RTEL1: variants seen among roughly 807,000 people sequenced by gnomAD.
The protein encoded by RTEL1 is regulator of telomere elongation helicase 1.
RTEL1 carries 86 observed loss-of-function variants against 162.2 expected under a neutral mutation model. The ratio of observed to expected loss-of-function variants is 0.53; its 90% CI spans 0.45 to 0.63. RTEL1 has a LOEUF of 0.63. Ranked by LOEUF, RTEL1 falls within the 30% of genes least tolerant of loss-of-function variation. The pLI, the probability that RTEL1 is intolerant of heterozygous loss-of-function variation, is 0.00. For missense variants in RTEL1, 1,941 were observed against 1,750.2 expected (o/e 1.11, Z -1.95); for synonymous variants, 958 against 717.9 (o/e 1.33, Z -5.35).
In RTEL1 at chr20:63,685,853, C is replaced by A. The variant is rs775537506; in HGVS notation, c.1329C>A (p.Thr443=). Residue 443 remains threonine (T), a synonymous_variant, in exon 16 of 35, where the codon ACC becomes ACA. Transcript: ENST00000360203. ...RTAQRSDAWS[T]TAARKRGKVL... is the part of the protein sequence containing the mutation. ...CTCAGCGGTCTGATGCCTGGAGCAC[C>A]ACTGCAGCCAGAAAGCGAGGTACAG... 3.7e-6 allele frequency: 6 copies of A among 1,612,510 alleles called. No homozygotes were observed. The South Asian group carries it at 6.6e-5, about 18-fold the overall frequency.
intron 8 of RTEL1, among the ~76,000 whole-genome samples, chr20:63,669,300 A>T (rs1471063590): frequency 6.6e-6 from 1 of 152,260 alleles, no homozygotes; most frequent in Non-Finnish European, 1.5e-5. Context: ...GTATAAACCT[A>T]AATGTAAAAG....
rs752858558 is a variant in RTEL1, at chr20:63,690,372, C to G, written c.2344C>G (p.Pro782Ala). ...TGTCAGCGAGGCCAAGTCGCCTGGC[C>G]CCTTCTTCTCCACCAGGAAAGCTAA... ...DAVSEAKSPG[P>A]FFSTRKAKSL... Residue 782 changes from proline (P) to alanine (A), a missense_variant, in exon 26 of 35, where the codon CCC (proline) becomes GCC (alanine). Coordinates refer to ENST00000360203, the MANE Select transcript of RTEL1 (RefSeq NM_001283009.2). 6.2e-7 allele frequency: 1 copy of G among 1,611,772 alleles called. No homozygotes were observed. The highest frequency in any genetic ancestry group is 8.5e-7 in the Non-Finnish European group (1 of 1,179,414).
At chr20:63,680,535 TG>T in intron 13 of RTEL1, 128 bp from the exon 14 acceptor site, 1 of 959,556 alleles carries the variant, frequency 1.0e-6, no homozygotes, top group Non-Finnish European at 1.6e-6. Flanking sequence ...CGCTCCACCC[TG>T]GGCCCCCCAT....
intron 29 of RTEL1, 53 bp from the exon 30 acceptor site, chr20:63,693,090 C>T (rs1004560650): frequency 4.3e-6 from 7 of 1,611,604 alleles, no homozygotes; most frequent in Non-Finnish European, 5.1e-6. Flanking sequence ...AAGGTGGTCT[C>T]TGTTCTCTAG....
chr20:63,694,955 G>C lies in RTEL1; in HGVS notation c.3324G>C (p.Glu1108Asp). 1 of 1,612,546 alleles carries C rather than the reference G, an allele frequency of 6.2e-7. No individual in the cohort carries two copies. The highest frequency in any genetic ancestry group is 8.5e-7 in the Non-Finnish European group (1 of 1,179,864). Residue 1108 changes from glutamate to aspartate, a missense_variant, in exon 32 of 35, where the codon GAG becomes GAC. Physicochemically the swap from Glu to Asp is conservative, Grantham distance 45. Coordinates refer to ENST00000360203, the MANE Select transcript of RTEL1 (RefSeq NM_001283009.2). Reference protein sequence around the residue: ...VLAALTTAKPEDFPLLHRFSM... With the variant: ...VLAALTTAKPDDFPLLHRFSM... ...CCGCCCTGACCACTGCAAAGCCAGA[G>C]GACTTCCCCCTGCTGCACAGCAAGT...
In RTEL1 at chr20:63,662,646, G is replaced by T. The variant is rs6010997; in HGVS notation, c.477+19G>T. ...TCTACAGGTAGGCTCCTGGGCTCCC[G>T]CTCCGGCTCAGTGTCCGACAGGCGA... On this transcript the variant is annotated intron_variant, in intron 5 of 34. Transcript: ENST00000360203. 239 of 1,613,048 alleles carry T rather than the reference G, an allele frequency of 1.5e-4. No individual in the cohort carries two copies. The highest frequency in any genetic ancestry group is 1.8e-4 in the Non-Finnish European group (218 of 1,179,532).
At chr20:63,693,519 A>G in intron 30 of RTEL1, among the ~76,000 whole-genome samples, 1 of 6,436 alleles carries the variant, frequency 1.6e-4, no homozygotes, top group South Asian at 4.2e-3. Context: ...CTCCTCCACC[A>G]CCACCACCTC....
At chr20:63,669,246 A>G (rs935724374) in intron 8 of RTEL1, among the ~76,000 whole-genome samples, 1 of 152,216 alleles carries the variant, frequency 6.6e-6, no homozygotes, top group African/African-American at 2.4e-5. Flanking sequence ...GAACAGCTGG[A>G]TATCTGTTCG....
intron 34 of RTEL1, 57 bp from the exon 35 acceptor site, chr20:63,695,721 C>T (rs963693217): frequency 1.2e-6 from 2 of 1,602,470 alleles, no homozygotes; most frequent in Non-Finnish European, 1.7e-6. Flanking sequence ...AAAGGGCAGG[C>T]CCTTGTCCTG....
rs777040365 is a variant in RTEL1, at chr20:63,688,000, C to T, written c.1545C>T (p.Val515=). The T allele has an allele frequency of 2.2e-5, 35 of 1,612,674 alleles. No individual in the cohort carries two copies. The highest frequency in any genetic ancestry group is 1.3e-4 in the Admixed American group (8 of 60,006). Residue 515 remains valine (V), a synonymous_variant, in exon 18 of 35, where the codon GTC becomes GTT. Coordinates refer to ENST00000360203, the MANE Select transcript of RTEL1 (RefSeq NM_001283009.2). ...IIDKHQIWVG[V]VPRGPDGAQL... is the part of the protein sequence containing the mutation. ...ACAAGCACCAGATCTGGGTGGGGGT[C>T]GTCCCCAGAGGCCCCGATGGAGCCC...
intron 26 of RTEL1, 41 bp downstream of exon 26, chr20:63,690,482 G>A (rs745707774): frequency 3.7e-5 from 54 of 1,464,250 alleles, no homozygotes; most frequent in African/African-American, 7.1e-5. Flanking sequence ...TGGGGGTGGC[G>A]GAGCGGGCGG....
At chr20:63,694,546 A>G in intron 31 of RTEL1, 58 bp downstream of exon 31, 1 of 1,402,014 alleles carries the variant, frequency 7.1e-7, no homozygotes, top group East Asian at 2.3e-5. Flanking sequence ...CAGTGGCTTC[A>G]CGAGGCTAAC....
intron 14 of RTEL1, chr20:63,682,477 C>G (rs1361737864): frequency 1.0e-6 from 1 of 984,772 alleles, no homozygotes; most frequent in African/African-American, 1.8e-5. Context: ...CAGGCCCCCA[C>G]TTAAGGAGAA....
rs1296819969 is a variant in RTEL1, at chr20:63,687,620, C to T, written c.1349-18C>T. Reference sequence around the variant, plus strand: ...CCGTCCTCACACTCTGTGCCCTCTGCCGCCCCCCGCCCCACAGGGAAGGTG... The same window carrying T: ...CCGTCCTCACACTCTGTGCCCTCTGTCGCCCCCCGCCCCACAGGGAAGGTG... On this transcript the variant is annotated intron_variant, in intron 16 of 34. Transcript: ENST00000360203. 3 of 1,592,064 alleles carry T rather than the reference C, an allele frequency of 1.9e-6. No individual in the cohort carries two copies. In the South Asian group the frequency reaches 3.4e-5, roughly 18 times the overall value.
chr20:63,688,782 C>A (rs1236685269), intron 21 of RTEL1, 177 bp downstream of exon 21: 1 of 653,608 alleles, frequency 1.5e-6, no homozygotes, highest in Non-Finnish European at 2.6e-6. Flanking sequence ...TTACAAAGCC[C>A]CCAGCACCGG....
At chr20:63,667,264 C>T (rs560133175) in intron 7 of RTEL1, among the ~76,000 whole-genome samples, 1 of 151,928 alleles carries the variant, frequency 6.6e-6, no homozygotes, top group African/African-American at 2.4e-5. Context: ...CACGAGGACT[C>T]CCCATCCCTT....
intron 8 of RTEL1, among the ~76,000 whole-genome samples, chr20:63,671,712 C>T (rs538443864): frequency 3.4e-4 from 50 of 147,902 alleles, no homozygotes; most frequent in African/African-American, 1.2e-3. Flanking sequence ...AGGCTGGTCT[C>T]GATCTCCTGA....
chr20:63,659,887 T>A (rs1204298019), intron 2 of RTEL1, among the ~76,000 whole-genome samples: 1 of 152,160 alleles, frequency 6.6e-6, no homozygotes, highest in Non-Finnish European at 1.5e-5. Flanking sequence ...TTTCACTATC[T>A]CAGCAAGAGG....
intron 9 of RTEL1, 31 bp from the exon 10 acceptor site, chr20:63,673,909 C>T: frequency 1.3e-6 from 2 of 1,592,194 alleles, no homozygotes; most frequent in Non-Finnish European, 1.7e-6. Context: ...CTGTCCTGTT[C>T]TGTGGTGATT....
Sources: gnomAD v4.1 joint callset for allele counts (sites outside exome capture counted in the v4.1 genomes callset) on GRCh38, gnomAD v4.1.1 for gene constraint, MANE v1.5 for transcripts, NCBI Gene and HGNC (gene_info 2026-07-23, HGNC 2026-07-21) for gene names.